Variants in CNTNAP2 observed in about 807,000 individuals in gnomAD.
The protein encoded by CNTNAP2 is contactin associated protein 2.
In CNTNAP2, 98 loss-of-function variants were observed where a neutral mutation model predicts 155.2. The ratio of observed to expected loss-of-function variants is 0.63; its 90% confidence interval spans 0.54 to 0.75. The LOEUF is 0.75. Among genes scored for constraint, CNTNAP2 ranks in the 30% least tolerant of loss-of-function variants. The pLI is 0.00. For missense variants in CNTNAP2, 1,727 were observed against 1,688.1 expected (o/e 1.02, Z -0.40); for synonymous variants, 651 against 631.2 (o/e 1.03, Z -0.47).
At chr7:148,156,976 A>AT (rs1805410867) in intron 17 of CNTNAP2, among the ~76,000 whole-genome samples, 1 of 152,206 alleles carries the variant, frequency 6.6e-6, no homozygotes, top group South Asian at 2.1e-4. Flanking sequence ...AGGCAGATTC[A>AT]TGCTGACTTC....
intron 14 of CNTNAP2, among the ~76,000 whole-genome samples, chr7:147,936,151 AC>A (rs1481321616): frequency 6.6e-6 from 1 of 152,226 alleles, no homozygotes; most frequent in Non-Finnish European, 1.5e-5. Context: ...AAACATGAGA[AC>A]CTCTATATTA....
intron 13 of CNTNAP2, among the ~76,000 whole-genome samples, chr7:147,734,801 C>T (rs191835583): frequency 0.011 from 1,679 of 152,264 alleles, 95 homozygotes; most frequent in Admixed American, 0.087. Flanking sequence ...AGTTTGTTTG[C>T]ATAGAGGTGT....
intron 14 of CNTNAP2, among the ~76,000 whole-genome samples, chr7:147,941,758 C>G (rs1800725869): frequency 6.6e-6 from 1 of 152,118 alleles, no homozygotes; most frequent in South Asian, 2.1e-4. Context: ...TTGAATGTCC[C>G]CATAAACAAG....
At chr7:146,455,252 A>G (rs1796539710) in intron 1 of CNTNAP2, among the ~76,000 whole-genome samples, 1 of 152,216 alleles carries the variant, frequency 6.6e-6, no homozygotes, top group Admixed American at 6.5e-5. Context: ...ATACAAAAGA[A>G]AACTGTATTA....
intron 1 of CNTNAP2, among the ~76,000 whole-genome samples, chr7:146,195,958 T>A (rs951619618): frequency 2.6e-5 from 4 of 152,230 alleles, no homozygotes; most frequent in Non-Finnish European, 5.9e-5. Context: ...ATGCCTATTA[T>A]AAAGAGATCC....
intron 6 of CNTNAP2, chr7:147,121,754 C>T (rs78671241): frequency 0.049 from 7,433 of 152,204 alleles, 231 homozygotes; most frequent in Non-Finnish European, 0.069. Flanking sequence ...TCAATGATCA[C>T]GTTTATATAA....
chr7:148,216,288 T>C (rs974406621), intron 18 of CNTNAP2, among the ~76,000 whole-genome samples: 2 of 152,176 alleles, frequency 1.3e-5, no homozygotes, highest in African/African-American at 2.4e-5. Flanking sequence ...ATAATAAAAA[T>C]AGATACTATT....
At chr7:147,682,757 T>C (rs956327146) in intron 13 of CNTNAP2, among the ~76,000 whole-genome samples, 4 of 151,964 alleles carry the variant, frequency 2.6e-5, no homozygotes, top group African/African-American at 7.2e-5. Context: ...AAGATATTCG[T>C]ATTTCTTACA....
At chr7:147,503,887 ACT>A (rs1293592222) in intron 11 of CNTNAP2, among the ~76,000 whole-genome samples, 2 of 152,086 alleles carry the variant, frequency 1.3e-5, no homozygotes, top group African/African-American at 2.4e-5. Flanking sequence ...TTTTGAACAC[ACT>A]CTGTGGGTTT....
chr7:146,615,067 A>G (rs2129154857), intron 1 of CNTNAP2, among the ~76,000 whole-genome samples: 1 of 152,240 alleles, frequency 6.6e-6, no homozygotes, highest in East Asian at 1.9e-4. Flanking sequence ...GGGGAAGGAG[A>G]GCTGATGGAA....
At chr7:147,518,895 G>A (rs1159954363) in intron 11 of CNTNAP2, among the ~76,000 whole-genome samples, 3 of 151,970 alleles carry the variant, frequency 2.0e-5, no homozygotes, top group African/African-American at 4.8e-5. Flanking sequence ...GCAGGGAGTG[G>A]TGGCGGGCGC....
At chr7:147,878,204 C>T (rs1375829233) in intron 13 of CNTNAP2, among the ~76,000 whole-genome samples, 61 of 150,784 alleles carry the variant, frequency 4.0e-4, no homozygotes, top group Non-Finnish European at 5.9e-5. Flanking sequence ...TTTTATTACT[C>T]ATTGGAAAAT....
intron 1 of CNTNAP2, among the ~76,000 whole-genome samples, chr7:146,159,426 AT>A (rs1265125433): frequency 6.6e-6 from 1 of 152,240 alleles, no homozygotes; most frequent in Non-Finnish European, 1.5e-5. Flanking sequence ...AAGTGCTCCA[AT>A]TAAAAGACAC....
At chr7:148,287,221 C>T (rs1366048967) in intron 21 of CNTNAP2, among the ~76,000 whole-genome samples, 1 of 152,176 alleles carries the variant, frequency 6.6e-6, no homozygotes. Context: ...TTGTAAAATA[C>T]ATCTAAGTTT....
chr7:146,722,910 G>A (rs1381999562), intron 1 of CNTNAP2, among the ~76,000 whole-genome samples: 1 of 152,092 alleles, frequency 6.6e-6, no homozygotes, highest in Non-Finnish European at 1.5e-5. Flanking sequence ...AGCTACTTGG[G>A]AGGCTGAGGA....
At chr7:147,755,027 G>T (rs1797194871) in intron 13 of CNTNAP2, among the ~76,000 whole-genome samples, 4 of 152,114 alleles carry the variant, frequency 2.6e-5, no homozygotes, top group African/African-American at 9.7e-5. Context: ...TGTTCCCTGA[G>T]ATCTTTACAT....
At chr7:147,568,072 C>T (rs550700521) in intron 12 of CNTNAP2, among the ~76,000 whole-genome samples, 18 of 151,998 alleles carry the variant, frequency 1.2e-4, no homozygotes, top group Admixed American at 3.3e-4. Flanking sequence ...GGCAACACAG[C>T]GAGACTCCGT....
rs534546993 is a variant in CNTNAP2, at chr7:148,267,608, T to C, written c.3475+482T>C. Among the ~76,000 whole-genome samples, 31 of 144,382 alleles carry C rather than the reference T, an allele frequency of 2.1e-4. No homozygotes were observed. The South Asian group carries it at 6.5e-3, about 30-fold the overall frequency. The allele number at this position is 144,382 out of a possible 152,430, so 94.7% of individuals were successfully genotyped here. A position where few individuals can be genotyped will look rare whatever the true frequency, so the allele number is the denominator to read the frequency against. On this transcript the variant is annotated intron_variant, in intron 21 of 23. Transcript: ENST00000361727. Reference sequence around the variant, plus strand: ...AGGTGGAGGTTGCAGTGAGCCAAGATCGTGCCACCACACTCCAGCCTGGGT... The same window carrying C: ...AGGTGGAGGTTGCAGTGAGCCAAGACCGTGCCACCACACTCCAGCCTGGGT...
intron 1 of CNTNAP2, among the ~76,000 whole-genome samples, chr7:146,224,575 G>A (rs906147323): frequency 7.1e-5 from 8 of 112,274 alleles, no homozygotes; most frequent in East Asian, 5.5e-4. Flanking sequence ...GGGAAACCCC[G>A]TCTCTACAAA....
Sources: allele counts gnomAD v4.1 joint callset (sites outside exome capture counted in the v4.1 genomes callset), GRCh38; gene constraint gnomAD v4.1.1; transcripts MANE v1.5; gene names NCBI Gene and HGNC (gene_info 2026-07-23, HGNC 2026-07-21).